SP100: variants seen among roughly 807,000 people sequenced by gnomAD.
SP100 encodes nuclear autoantigen Sp-100.
Under a neutral mutation model 130.0 loss-of-function variants are expected in SP100, and 84 were observed. That is an observed-to-expected ratio of 0.65 (90% CI 0.54 to 0.77). SP100 has a LOEUF of 0.77. Ranked by LOEUF, SP100 falls within the 30% of genes least tolerant of loss-of-function variation. SP100 has a pLI of 0.00. For missense variants in SP100, 978 were observed against 1,052.2 expected, an observed-to-expected ratio of 0.93 and a Z score of 0.97; for synonymous variants, 331 against 351.7, an observed-to-expected ratio of 0.94 and a Z score of 0.66.
intron 8 of SP100, among the ~76,000 whole-genome samples, chr2:230,450,955 A>G (rs887289177): frequency 6.6e-6 from 1 of 152,198 alleles, no homozygotes; most frequent in Non-Finnish European, 1.5e-5. Context: ...GGGAGAGCAG[A>G]TATCTCTTCC....
chr2:230,473,981 C>T (rs2065406896), intron 16 of SP100, among the ~76,000 whole-genome samples: 1 of 151,966 alleles, frequency 6.6e-6, no homozygotes, highest in African/African-American at 2.4e-5. Context: ...AGTCCTGCTA[C>T]CTGTCAGGAA....
intron 2 of SP100, 93 bp downstream of exon 2, chr2:230,417,758 T>A: frequency 6.6e-7 from 1 of 1,511,070 alleles, no homozygotes; most frequent in Non-Finnish European, 8.9e-7. Context: ...CCATTTAAAT[T>A]CCCTCTTCTA....
intron 4 of SP100, among the ~76,000 whole-genome samples, chr2:230,444,897 A>C (rs576071712): frequency 1.3e-5 from 2 of 152,330 alleles, no homozygotes; most frequent in African/African-American, 4.8e-5. Context: ...TATTGTCCAT[A>C]TATAGTCCCA....
At chr2:230,452,392 G>A (rs1467192148) in intron 8 of SP100, among the ~76,000 whole-genome samples, 2 of 152,102 alleles carry the variant, frequency 1.3e-5, no homozygotes, top group Non-Finnish European at 2.9e-5. Flanking sequence ...GGTCGGGCTG[G>A]TCTTGAACTC....
intron 2 of SP100, among the ~76,000 whole-genome samples, chr2:230,437,623 G>T (rs556743538): frequency 5.3e-5 from 8 of 152,110 alleles, no homozygotes; most frequent in African/African-American, 1.7e-4. Context: ...AGGCTGGAGT[G>T]CAGAGGCTCA....
chr2:230,426,688 T>C lies in SP100; in HGVS notation c.107+9023T>C, dbSNP rs560975733. Among the ~76,000 whole-genome samples the C allele has an allele frequency of 1.4e-3, 206 of 152,324 alleles. 2 individuals carry two copies. The highest frequency in any genetic ancestry group is 3.4e-3 in the Middle Eastern group (1 of 294). On this transcript the variant is annotated intron_variant, in intron 2 of 28. Transcript: ENST00000340126. ...AACATATGATTTTTTTCCTGGAGAA[T>C]GTTTCATATACACTGGAGTAGAATG... is the stretch of plus-strand genomic sequence containing the variant.
At chr2:230,466,401 T>TA in intron 12 of SP100, 47 bp downstream of exon 12, 3 of 983,928 alleles carry the variant, frequency 3.0e-6, no homozygotes, top group Non-Finnish European at 4.9e-6. Flanking sequence ...TAACTTCTCT[T>TA]CATGGTTATA....
chr2:230,511,669 G>A (rs558155328), intron 24 of SP100, among the ~76,000 whole-genome samples: 27 of 152,236 alleles, frequency 1.8e-4, no homozygotes, highest in African/African-American at 5.3e-4. Flanking sequence ...AGACACACAC[G>A]AAAAGTGAGT....
At chr2:230,524,473 A>G (rs1364603726) in intron 24 of SP100, among the ~76,000 whole-genome samples, 5 of 152,156 alleles carry the variant, frequency 3.3e-5, no homozygotes, top group Non-Finnish European at 5.9e-5. Context: ...TTTAATCAAA[A>G]CAGTTGAATC....
intron 19 of SP100, among the ~76,000 whole-genome samples, chr2:230,502,482 A>T (rs976234496): frequency 3.9e-5 from 6 of 152,148 alleles, no homozygotes; most frequent in African/African-American, 1.4e-4. Context: ...CAGTTTCCTC[A>T]TCTGTAAAGT....
chr2:230,466,023 A>G (rs1212507876), intron 11 of SP100, among the ~76,000 whole-genome samples: 1 of 151,838 alleles, frequency 6.6e-6, no homozygotes, highest in Admixed American at 6.6e-5. Context: ...CGTCTTTACT[A>G]AAAATACAAA....
Position 230,474,995 on chromosome 2 carries a change from A to G in SP100, c.1600+548A>G, listed in dbSNP as rs1296106524. On this transcript the variant is annotated intron_variant, in intron 17 of 28. Transcript: ENST00000340126. ...TTGTGAATAGCACTATAAGGAACATATGAGTGCGTGTATCTTTTTGATAGA... is the reference window on the plus strand; with the variant it reads ...TTGTGAATAGCACTATAAGGAACATGTGAGTGCGTGTATCTTTTTGATAGA... Among the ~76,000 whole-genome samples, 3 of 151,814 alleles carry G rather than the reference A, an allele frequency of 2.0e-5. No homozygotes were observed. In the East Asian group the frequency reaches 5.8e-4, roughly 29 times the overall value.
chr2:230,491,673 G>A (rs966027036), intron 17 of SP100, among the ~76,000 whole-genome samples: 3 of 152,180 alleles, frequency 2.0e-5, no homozygotes, highest in African/African-American at 4.8e-5. Context: ...TGACTATCAT[G>A]AGACCAGCAA....
At chr2:230,520,794 T>C (rs1180945844) in intron 24 of SP100, 1 of 152,208 alleles carries the variant, frequency 6.6e-6, no homozygotes, top group Admixed American at 6.5e-5. Flanking sequence ...GGAATGATTT[T>C]ATAGGTAGGG....
At chr2:230,495,071 T>TGGCAAGA (rs2066591111) in intron 18 of SP100, among the ~76,000 whole-genome samples, 3 of 152,366 alleles carry the variant, frequency 2.0e-5, no homozygotes, top group African/African-American at 7.2e-5. Flanking sequence ...CCAGCCTTTT[T>TGGCAAGA]GTCACCTGAG....
chr2:230,470,469 A>G (rs2065210407), intron 15 of SP100: 2 of 961,680 alleles, frequency 2.1e-6, no homozygotes, highest in East Asian at 2.2e-4. Context: ...GCCTCAAAAG[A>G]CAACTGTTCC....
At chr2:230,450,077 G>A in intron 7 of SP100, 95 bp from the exon 8 acceptor site, 1 of 824,942 alleles carries the variant, frequency 1.2e-6, no homozygotes, top group Non-Finnish European at 2.0e-6. Flanking sequence ...GTAGAAACAG[G>A]AGAAGAAAGG....
rs754104150 is a variant in SP100 at position 230,473,434 on chromosome 2, A to G, written c.1540A>G (p.Met514Val). 11 of 1,603,508 alleles carry G rather than the reference A, an allele frequency of 6.9e-6. No individual in the cohort carries two copies. The highest frequency in any genetic ancestry group is 9.4e-6 in the Non-Finnish European group (11 of 1,170,490). ...GACTGAAAGTAGTCAAGCATCTGAC[A>G]TGATGGGTAAGGCTACCCTAGGGTC... ...ARTESSQASD[M>V]MDTMDVENNS... The change falls in exon 16 of 29, where the codon ATG becomes GTG. Residue 514 changes from methionine (M) to valine (V), a missense_variant. Met to Val is a conservative substitution (Grantham distance 21, BLOSUM62 1). Transcript: ENST00000340126.
chr2:230,469,773 C>A, intron 14 of SP100: 1 of 1,356,780 alleles, frequency 7.4e-7, no homozygotes, highest in Non-Finnish European at 9.7e-7. Flanking sequence ...CATATTTTTC[C>A]CAAAGTTAAA....
Sources: gnomAD v4.1 joint callset for allele counts (sites outside exome capture counted in the v4.1 genomes callset) on GRCh38, gnomAD v4.1.1 for gene constraint, MANE v1.5 for transcripts, NCBI Gene and HGNC (gene_info 2026-07-23, HGNC 2026-07-21) for gene names.